Variants in PNLIPRP1 observed in about 807,000 individuals in gnomAD.
PNLIPRP1 encodes inactive pancreatic lipase-related protein 1.
Under a neutral mutation model 54.6 loss-of-function variants are expected in PNLIPRP1, and 57 were observed. That is an observed-to-expected ratio of 1.04 (90% CI 0.84 to 1.30). The LOEUF (loss-of-function observed/expected upper bound fraction) is 1.30, where lower values mean the gene tolerates loss of function less well. Ranked by LOEUF, PNLIPRP1 falls within the 50% of genes most tolerant of loss-of-function variation. The pLI, the probability that PNLIPRP1 is intolerant of heterozygous loss-of-function variation, is 0.00. For synonymous variants in PNLIPRP1, 232 were observed against 208.8 expected (o/e 1.11, Z -0.96); for missense variants, 567 against 568.5 (o/e 1.00, Z 0.03).
Position 116,601,033 on chromosome 10 carries a change from C to G in PNLIPRP1, c.934-39C>G, listed in dbSNP as rs534266739. The G allele has an allele frequency of 2.8e-4, 448 of 1,578,936 alleles. 4 individuals are homozygous for G. The South Asian group carries it at 4.9e-3, about 17-fold the overall frequency. Reference sequence around the variant, plus strand: ...CTCAGATGTATCGATCATACAAACACAAATTCTCCTTACAGTCCCATCTAT... The same window carrying G: ...CTCAGATGTATCGATCATACAAACAGAAATTCTCCTTACAGTCCCATCTAT... On this transcript the variant is annotated intron_variant, in intron 9 of 12. Coordinates refer to ENST00000358834, the MANE Select transcript of PNLIPRP1 (RefSeq NM_006229.4).
intron 11 of PNLIPRP1, among the ~76,000 whole-genome samples, chr10:116,604,848 C>A (rs1056165425): frequency 1.3e-5 from 2 of 151,978 alleles, no homozygotes; most frequent in African/African-American, 4.8e-5. Context: ...GCCACCACAC[C>A]TGGCTGATTT....
intron 10 of PNLIPRP1, among the ~76,000 whole-genome samples, chr10:116,601,681 C>T (rs1202390226): frequency 1.3e-5 from 2 of 152,058 alleles, no homozygotes; most frequent in Non-Finnish European, 1.5e-5. Flanking sequence ...GGAGTGCAGG[C>T]AGGAATCAGG....
At chr10:116,599,661 G>A (rs1847798679) in intron 8 of PNLIPRP1, among the ~76,000 whole-genome samples, 1 of 152,198 alleles carries the variant, frequency 6.6e-6, no homozygotes, top group African/African-American at 2.4e-5. Context: ...TAAGGTTAGA[G>A]GGATGGGCCG....
intron 6 of PNLIPRP1, among the ~76,000 whole-genome samples, chr10:116,597,494 C>A (rs1847756368): frequency 6.6e-6 from 1 of 152,174 alleles, no homozygotes; most frequent in African/African-American, 2.4e-5. Flanking sequence ...TCACCCCTTT[C>A]TTTCTACAAG....
intron 8 of PNLIPRP1, among the ~76,000 whole-genome samples, chr10:116,598,631 C>T (rs868966486): frequency 1.3e-5 from 2 of 152,118 alleles, no homozygotes; most frequent in Non-Finnish European, 2.9e-5. Context: ...CCTATTTGCA[C>T]AATGAGAGCC....
intron 9 of PNLIPRP1, among the ~76,000 whole-genome samples, 186 bp from the exon 10 acceptor site, chr10:116,600,886 T>C (rs1193196798): frequency 2.0e-5 from 3 of 152,216 alleles, no homozygotes; most frequent in Non-Finnish European, 4.4e-5. Flanking sequence ...AATTCTAATG[T>C]GTTGTGCCTA....
At chr10:116,595,264 C>T in intron 5 of PNLIPRP1, 1 of 222,318 alleles carries the variant, frequency 4.5e-6, no homozygotes, top group South Asian at 7.4e-5. Context: ...CCACAGAGAG[C>T]CAACGGACAG....
intron 11 of PNLIPRP1, 94 bp from the exon 12 acceptor site, chr10:116,605,292 C>T: frequency 1.6e-6 from 1 of 643,982 alleles, no homozygotes; most frequent in Non-Finnish European, 2.5e-6. Flanking sequence ...AAAAATAATC[C>T]TGTTAATCTA....
chr10:116,596,658 A>G (rs962356498), intron 6 of PNLIPRP1, among the ~76,000 whole-genome samples: 4 of 152,154 alleles, frequency 2.6e-5, no homozygotes, highest in African/African-American at 9.7e-5. Flanking sequence ...TGAGCAAAAC[A>G]TAATCAAGGA....
chr10:116,602,746 T>C (rs1212170551), intron 10 of PNLIPRP1, among the ~76,000 whole-genome samples: 3 of 150,544 alleles, frequency 2.0e-5, no homozygotes, highest in Non-Finnish European at 4.4e-5. Flanking sequence ...TATGAATGCA[T>C]GTGTGAGTGT....
At chr10:116,598,285 C>A (rs1225462278) in intron 8 of PNLIPRP1, 119 bp downstream of exon 8, 1 of 981,498 alleles carries the variant, frequency 1.0e-6, no homozygotes, top group African/African-American at 1.6e-5. Flanking sequence ...ACAATTCCCT[C>A]TTCTGGGGAT....
intron 6 of PNLIPRP1, 81 bp downstream of exon 6, chr10:116,596,403 C>A: frequency 1.2e-6 from 1 of 822,698 alleles, no homozygotes; most frequent in Non-Finnish European, 2.0e-6. Context: ...CAGTTCAGAG[C>A]TCCCCTGAAG....
chr10:116,597,453 C>T (rs1201703019), intron 6 of PNLIPRP1, among the ~76,000 whole-genome samples: 2 of 152,160 alleles, frequency 1.3e-5, no homozygotes, highest in African/African-American at 4.8e-5. Flanking sequence ...AGACCCAGAA[C>T]CTGTGTTCTT....
Position 116,594,830 on chromosome 10 carries a change from G to C in PNLIPRP1, c.431G>C (p.Gly144Ala), listed in dbSNP as rs998634455. The change falls in exon 5 of 13, where the codon GGC becomes GCC. Residue 144 changes from glycine to alanine, a missense_variant. Physicochemically the swap from Gly to Ala is moderately conservative, Grantham distance 60 (BLOSUM62 0). Transcript: ENST00000358834. ...TQAANNVRVV[G>A]AQVAQMLDIL... is the part of the protein sequence containing the mutation. ...GCTGCCAACAACGTGCGAGTGGTGG[G>C]CGCCCAGGTGGCCCAGATGCTCGAC... 3.1e-6 allele frequency: 5 copies of C among 1,613,972 alleles called. No homozygotes were observed. The highest frequency in any genetic ancestry group is 1.3e-5 in the African/African-American group (1 of 74,920).
chr10:116,604,037 A>T lies in PNLIPRP1; in HGVS notation c.1071A>T (p.Arg357Ser), dbSNP rs782074190. Residue 357 changes from arginine (R) to serine (S), a missense_variant, in exon 11 of 13, where the codon AGA becomes AGT. By Grantham distance (110) the Arg-to-Ser change is moderately radical. Coordinates refer to ENST00000358834, the MANE Select transcript of PNLIPRP1 (RefSeq NM_006229.4). ...TGEASNFARWRYGVSITLSGR... is the reference protein window; with the variant it reads ...TGEASNFARWSYGVSITLSGR... ...CTTCCATCTCCTGTGCAGGCTGGAG[A>T]TATGGGGTTTCCATCACACTGTCTG... 6.2e-6 allele frequency: 10 copies of T among 1,610,032 alleles called. No homozygotes were observed. The Admixed American group carries it at 1.7e-4, about 27-fold the overall frequency.
At chr10:116,596,915 C>T (rs1847748216) in intron 6 of PNLIPRP1, among the ~76,000 whole-genome samples, 2 of 151,912 alleles carry the variant, frequency 1.3e-5, no homozygotes, top group South Asian at 4.2e-4. Flanking sequence ...AGATTAAGTG[C>T]CTGCTTATCC....
chr10:116,591,715 A>AT, intron 2 of PNLIPRP1, 56 bp from the exon 3 acceptor site: 1 of 1,578,054 alleles, frequency 6.3e-7, no homozygotes, highest in East Asian at 2.2e-5. Flanking sequence ...CAGCAGTGAC[A>AT]CCCCAGAGCA....
intron 10 of PNLIPRP1, among the ~76,000 whole-genome samples, chr10:116,602,287 G>A (rs1216932445): frequency 2.6e-5 from 4 of 152,088 alleles, no homozygotes; most frequent in Admixed American, 1.3e-4. Context: ...CCAAAGTGCC[G>A]GGATTACAGG....
intron 5 of PNLIPRP1, 122 bp from the exon 6 acceptor site, chr10:116,596,092 C>G (rs1363879665): frequency 1.4e-6 from 1 of 706,342 alleles, no homozygotes; most frequent in East Asian, 2.5e-5. Context: ...TGAGTTTGGG[C>G]TTGATCCTGA....
Sources: gnomAD v4.1 joint callset for allele counts (sites outside exome capture counted in the v4.1 genomes callset) on GRCh38, gnomAD v4.1.1 for gene constraint, MANE v1.5 for transcripts, NCBI Gene and HGNC (gene_info 2026-07-23, HGNC 2026-07-21) for gene names.